Variants in CNTNAP2 observed in about 807,000 individuals in gnomAD.
The protein encoded by CNTNAP2 is contactin-associated protein-like 2.
A neutral mutation model predicts 155.2 loss-of-function variants in CNTNAP2; 98 were observed. That is an observed-to-expected ratio of 0.63 (90% confidence interval 0.54 to 0.75). The LOEUF (loss-of-function observed/expected upper bound fraction) is 0.75. Among genes scored for constraint, CNTNAP2 ranks in the 30% least tolerant of loss-of-function variants. The pLI is 0.00. For missense variants in CNTNAP2, 1,727 were observed against 1,688.1 expected, an observed-to-expected ratio of 1.02 and a Z score of -0.40; for synonymous variants, 651 against 631.2, an observed-to-expected ratio of 1.03 and a Z score of -0.47.
intron 18 of CNTNAP2, among the ~76,000 whole-genome samples, chr7:148,193,582 G>T (rs1013898041): frequency 6.6e-6 from 1 of 152,074 alleles, no homozygotes; most frequent in African/African-American, 2.4e-5. Context: ...GACCTAAAAA[G>T]ATTCCTGTAA....
intron 17 of CNTNAP2, among the ~76,000 whole-genome samples, chr7:148,162,852 T>C (rs574483678): frequency 4.6e-5 from 7 of 152,216 alleles, no homozygotes; most frequent in African/African-American, 1.7e-4. Flanking sequence ...TTTTTTTAAT[T>C]AACCAGGCAT....
At position 148,066,791 on chromosome 7, in the gene CNTNAP2, C is replaced by A. The variant is rs1219421850; in HGVS notation, c.2384-51327C>A. Among the ~76,000 whole-genome samples the A allele has an allele frequency of 2.6e-5, 4 of 152,264 alleles. No homozygotes were observed. In the East Asian group the frequency reaches 7.7e-4, roughly 29 times the overall value. On this transcript the variant is annotated intron_variant, in intron 15 of 23. Coordinates refer to ENST00000361727, the MANE Select transcript of CNTNAP2 (RefSeq NM_014141.6). ...AGGATTACAGGCGTGAGCCACCGCG[C>A]CCAGCCTTAAATTCTTTTTTCTTTG...
At chr7:147,315,625 G>C (rs1425275638) in intron 9 of CNTNAP2, among the ~76,000 whole-genome samples, 1 of 151,790 alleles carries the variant, frequency 6.6e-6, no homozygotes, top group Admixed American at 6.6e-5. Flanking sequence ...GGGACTACAG[G>C]AGCCCGCCAC....
intron 1 of CNTNAP2, among the ~76,000 whole-genome samples, chr7:146,280,638 AGGGTCATC>A (rs1445436140): frequency 6.6e-6 from 1 of 152,130 alleles, no homozygotes; most frequent in Non-Finnish European, 1.5e-5. Context: ...TTTCATAAGT[AGGGTCATC>A]GGCTGCCCAC....
intron 13 of CNTNAP2, among the ~76,000 whole-genome samples, chr7:147,875,612 A>C (rs1799409358): frequency 6.6e-6 from 1 of 152,026 alleles, no homozygotes; most frequent in Non-Finnish European, 1.5e-5. Flanking sequence ...GCTTAACATG[A>C]CCAGGCACAA....
chr7:146,589,076 G>A (rs1015361091), intron 1 of CNTNAP2, among the ~76,000 whole-genome samples: 21 of 152,148 alleles, frequency 1.4e-4, no homozygotes, highest in African/African-American at 4.6e-4. Context: ...AACATTTCTT[G>A]TTACTTATTT....
At chr7:147,995,649 G>A (rs1801791012) in intron 15 of CNTNAP2, among the ~76,000 whole-genome samples, 1 of 151,882 alleles carries the variant, frequency 6.6e-6, no homozygotes, top group African/African-American at 2.4e-5. Context: ...AGGTAGCTGG[G>A]ACTACAGGCG....
chr7:147,538,067 T>C (rs935326019), intron 11 of CNTNAP2, among the ~76,000 whole-genome samples: 1 of 152,194 alleles, frequency 6.6e-6, no homozygotes, highest in Non-Finnish European at 1.5e-5. Flanking sequence ...TCTGAACAAA[T>C]GTTTTCATGA....
At chr7:147,246,604 A>C (rs1436224650) in intron 8 of CNTNAP2, among the ~76,000 whole-genome samples, 1 of 152,122 alleles carries the variant, frequency 6.6e-6, no homozygotes, top group Admixed American at 6.5e-5. Flanking sequence ...CTCATAATCT[A>C]ATCGCCTCCC....
chr7:147,648,086 A>T (rs1309147503), intron 13 of CNTNAP2, among the ~76,000 whole-genome samples: 1 of 152,178 alleles, frequency 6.6e-6, no homozygotes, highest in Non-Finnish European at 1.5e-5. Context: ...CATGTAGAAA[A>T]GCTGCTTAAT....
rs572550154 is a variant in CNTNAP2, at chr7:147,839,983, C to T, written c.2099-63582C>T. 1.5e-4 allele frequency among the ~76,000 whole-genome samples: 22 copies of T among 150,304 alleles called. 1 individual carries two copies. Among genetic ancestry groups the T allele is most frequent in the Admixed American group, 6.7e-4 (10 of 14,992 alleles). On this transcript the variant is annotated intron_variant, in intron 13 of 23. Transcript: ENST00000361727. ...ATATATACCATGGAATACTACTCAG[C>T]CATAAACAAGAATGAAATCATGTCT...
chr7:147,971,952 T>C (rs1407269618), intron 14 of CNTNAP2, among the ~76,000 whole-genome samples: 2 of 152,180 alleles, frequency 1.3e-5, no homozygotes, highest in East Asian at 1.9e-4. Flanking sequence ...GAATCATGAC[T>C]TTACAGCCCA....
At chr7:146,511,877 T>C (rs970200285) in intron 1 of CNTNAP2, among the ~76,000 whole-genome samples, 1 of 152,134 alleles carries the variant, frequency 6.6e-6, no homozygotes, top group African/African-American at 2.4e-5. Flanking sequence ...AAAAATTTGG[T>C]AGAGTTCAGC....
intron 20 of CNTNAP2, among the ~76,000 whole-genome samples, chr7:148,261,321 C>A (rs1051773435): frequency 6.6e-6 from 1 of 152,062 alleles, no homozygotes; most frequent in African/African-American, 2.4e-5. Flanking sequence ...CCACCATGCC[C>A]GGCTAATTTT....
rs1280146707 is a variant in CNTNAP2 at position 147,386,997 on chromosome 7, A to C, written c.1499-8612A>C. On this transcript the variant is annotated intron_variant, in intron 9 of 23. Transcript: ENST00000361727. ...ATCTTATGTGGATGGTGGCAGGCAA[A>C]GAGAGAGAACTTGTGCAGGGAAACT... Among the ~76,000 whole-genome samples, 4 of 152,160 alleles carry C rather than the reference A, an allele frequency of 2.6e-5. No individual in the cohort carries two copies. The East Asian group carries it at 5.8e-4, about 22-fold the overall frequency.
At chr7:147,636,562 C>A (rs1372220523) in intron 12 of CNTNAP2, among the ~76,000 whole-genome samples, 5 of 152,140 alleles carry the variant, frequency 3.3e-5, no homozygotes, top group Admixed American at 3.3e-4. Flanking sequence ...CTGCATGCAT[C>A]AGGTATTTGT....
chr7:146,664,299 C>CT (rs946191615), intron 1 of CNTNAP2, among the ~76,000 whole-genome samples: 3 of 151,386 alleles, frequency 2.0e-5, no homozygotes, highest in African/African-American at 4.9e-5. Context: ...GCAGCTAGGA[C>CT]TACAGGCACG....
rs200446535 is a variant in CNTNAP2 at position 147,003,335 on chromosome 7, AC to A, written c.403-40564del. On this transcript the variant is annotated intron_variant, in intron 3 of 23. Transcript: ENST00000361727. ...CTAAAACATAAGAATAGGCAAACCA[AC>A]CCCCCCCAAAAAAGTAGCAAGTTAA... Among the ~76,000 whole-genome samples the A allele has an allele frequency of 1.8e-3, 269 of 151,204 alleles. 1 individual carries two copies. The highest frequency in any genetic ancestry group is 6.0e-3 in the African/African-American group (249 of 41,248).
chr7:147,407,972 A>T (rs949338939), intron 10 of CNTNAP2, among the ~76,000 whole-genome samples: 3 of 152,266 alleles, frequency 2.0e-5, no homozygotes, highest in Non-Finnish European at 4.4e-5. Flanking sequence ...TTTAAACTAC[A>T]GCAACATGTT....
Sources: allele counts gnomAD v4.1 joint callset (sites outside exome capture counted in the v4.1 genomes callset), GRCh38; gene constraint gnomAD v4.1.1; transcripts MANE v1.5; gene names NCBI Gene and HGNC (gene_info 2026-07-23, HGNC 2026-07-21).